CHRNA2: variants seen among roughly 807,000 people sequenced by gnomAD.
CHRNA2 encodes the protein cholinergic receptor nicotinic alpha 2 subunit.
CHRNA2 carries 40 observed loss-of-function variants against 45.5 expected under a neutral mutation model. That is an observed-to-expected ratio of 0.88 (90% CI 0.68 to 1.15). The LOEUF (loss-of-function observed/expected upper bound fraction) is 1.15. Among genes scored for constraint, CHRNA2 ranks in the 50% most tolerant of loss-of-function variants. CHRNA2 has a pLI of 0.00. For synonymous variants in CHRNA2, 301 were observed against 296.7 expected (o/e 1.01, Z -0.15); for missense variants, 655 against 701.7 (o/e 0.93, Z 0.75).
rs77710085 is a variant in CHRNA2 at position 27,463,698 on chromosome 8, C to T, written c.745G>A (p.Ala249Thr). 224 of 1,579,402 alleles carry T rather than the reference C, an allele frequency of 1.4e-4. 6 individuals are homozygous for T. In the East Asian group the frequency reaches 1.8e-3, roughly 13 times the overall value. The change falls in exon 6 of 7, where the codon GCC becomes ACC. Residue 249 changes from alanine (A) to threonine (T), a missense_variant. Transcript: ENST00000407991. The surrounding 1 kb of genome is among the most constrained non-coding windows in gnomAD (Gnocchi z 6.1). ...TYNSKKYDCC[A>T]EIYPDVTYAF... ...TAGGTGACGTCGGGGTAGATCTCGG[C>T]GCAGCAGTCGTACTTCTTGCTGTTG...
At chr8:27,461,798 A>G (rs780391294) in intron 6 of CHRNA2, 44 bp from the exon 7 acceptor site, 1 of 1,613,350 alleles carries the variant, frequency 6.2e-7, no homozygotes, top group South Asian at 1.1e-5. Context: ...AGGCCTGGGA[A>G]AGGGATGTGT....
Position 27,469,829 on chromosome 8 carries a change from G to A in CHRNA2, c.226C>T (p.Pro76Ser). Residue 76 changes from proline (P) to serine (S), a missense_variant, in exon 3 of 7, where the codon CCG becomes TCG. Physicochemically the swap from Pro to Ser is moderately conservative, Grantham distance 74. Coordinates refer to ENST00000407991, the MANE Select transcript of CHRNA2 (RefSeq NM_000742.4). ...LFRGYNRWAR[P>S]VPNTSDVVIV... The stretch of plus-strand genomic sequence containing the variant: ...ACCACGTCTGAAGTGTTGGGCACCG[G>A]GCGCGCCCAGCGGTTGTAGCCCCGG... 1 of 1,614,192 alleles carries A rather than the reference G, an allele frequency of 6.2e-7. No homozygotes were observed. Among genetic ancestry groups the A allele is most frequent in the Non-Finnish European group, 8.5e-7 (1 of 1,180,046 alleles).
At chr8:27,466,301 C>A (rs1050831351) in intron 5 of CHRNA2, among the ~76,000 whole-genome samples, 1 of 152,090 alleles carries the variant, frequency 6.6e-6, no homozygotes, top group Non-Finnish European at 1.5e-5. Flanking sequence ...CCTTTTATTT[C>A]TTTCTTTAAA....
At chr8:27,466,231 G>T (rs564402766) in intron 5 of CHRNA2, among the ~76,000 whole-genome samples, 1 of 151,514 alleles carries the variant, frequency 6.6e-6, no homozygotes, top group South Asian at 2.1e-4. Flanking sequence ...AGAACTGGAC[G>T]GTGTAAAAAA....
chr8:27,463,977 C>A lies in CHRNA2; in HGVS notation c.466G>T (p.Ala156Ser). 1 of 1,614,168 alleles carries A rather than the reference C, an allele frequency of 6.2e-7. No individual in the cohort carries two copies. ...TGGGCCTTGGTCATGTGGGTCACTG[C>A]AAACTCCCCATCTGCACTGAGAAGA... ...VLYNNADGEF[A>S]VTHMTKAHLF... is the part of the protein sequence containing the mutation. Residue 156 changes from alanine to serine, a missense_variant, in exon 6 of 7, where the codon GCA becomes TCA. Physicochemically the swap from Ala to Ser is moderately conservative, Grantham distance 99. Coordinates refer to ENST00000407991, the MANE Select transcript of CHRNA2 (RefSeq NM_000742.4). This position sits in a 1 kb window ranked among gnomAD's most constrained non-coding sequence, Gnocchi z 6.1.
In CHRNA2 at chr8:27,469,448, G is replaced by A. The variant is rs2132666155; in HGVS notation, c.295-69C>T. The A allele has an allele frequency of 1.1e-5, 17 of 1,494,742 alleles. No homozygotes were observed. The South Asian group carries it at 2.0e-4, about 18-fold the overall frequency. 92.6% of individuals were successfully genotyped at this position (1,494,742 alleles called of 1,614,324 possible). A position where few individuals can be genotyped will look rare whatever the true frequency, so the allele number is the denominator to read the frequency against. On this transcript the variant is annotated intron_variant, in intron 3 of 6. Coordinates refer to ENST00000407991, the MANE Select transcript of CHRNA2 (RefSeq NM_000742.4). ...AGCCCCAGAAGACAGGGTGGAGTGG[G>A]ATGGGCTGTTTTCAGACCCTCTGAT...
rs979561452 is a variant in CHRNA2, at chr8:27,465,056, A to C, written c.450-1063T>G. On this transcript the variant is annotated intron_variant, in intron 5 of 6. Coordinates refer to ENST00000407991, the MANE Select transcript of CHRNA2 (RefSeq NM_000742.4). ...CTTGACTGATGGTAGGATTTGGCTG[A>C]GAAATGGGCAGAGAGCCTTCCAGTA... is the stretch of plus-strand genomic sequence containing the variant. Among the ~76,000 whole-genome samples the C allele has an allele frequency of 1.2e-4, 19 of 152,316 alleles. No individual in the cohort carries two copies. In the Middle Eastern group the frequency reaches 0.01, roughly 82 times the overall value.
rs137965290 is a variant in CHRNA2 at position 27,463,326 on chromosome 8, A to G, written c.1117T>C (p.Cys373Arg). Residue 373 changes from cysteine to arginine, a missense_variant, in exon 6 of 7, where the codon TGT (cysteine) becomes CGT (arginine). Coordinates refer to ENST00000407991, the MANE Select transcript of CHRNA2 (RefSeq NM_000742.4). The surrounding 1 kb of genome is among the most constrained non-coding windows in gnomAD (Gnocchi z 6.1). The stretch of plus-strand genomic sequence containing the variant: ...TTCATCAGAAGCCACCGGGGCACAC[A>G]GCCCAGAAGGGCCCCCCGCACCCAG... ...PHWVRGALLG[C>R]VPRWLLMNRP... is the part of the protein sequence containing the mutation. The G allele has an allele frequency of 3.1e-6, 5 of 1,612,750 alleles. No individual in the cohort carries two copies. The African/African-American group carries it at 6.7e-5, about 22-fold the overall frequency.
At chr8:27,469,568 A>G (rs1033858902) in intron 3 of CHRNA2, 189 bp from the exon 4 acceptor site, 21 of 860,284 alleles carry the variant, frequency 2.4e-5, no homozygotes, top group African/African-American at 5.0e-5. Context: ...CTGCCAATCA[A>G]TGCCCTCCTA....
At chr8:27,478,113 T>C (rs1276296758) in intron 1 of CHRNA2, among the ~76,000 whole-genome samples, 1 of 152,224 alleles carries the variant, frequency 6.6e-6, no homozygotes, top group Non-Finnish European at 1.5e-5. Flanking sequence ...TCCCACCTGG[T>C]TCCTTTCTGC....
chr8:27,473,595 T>C (rs1812967652), intron 1 of CHRNA2, among the ~76,000 whole-genome samples: 1 of 145,684 alleles, frequency 6.9e-6, no homozygotes, highest in Admixed American at 6.9e-5. Context: ...TGATCTCAGC[T>C]ACTGGGAAGG....
At chr8:27,465,354 A>G (rs1563319879) in intron 5 of CHRNA2, among the ~76,000 whole-genome samples, 1 of 152,188 alleles carries the variant, frequency 6.6e-6, no homozygotes, top group East Asian at 1.9e-4. Context: ...TCCCCCATGG[A>G]GTAGTTCCAT....
intron 5 of CHRNA2, among the ~76,000 whole-genome samples, chr8:27,466,084 C>T (rs374980087): frequency 3.2e-4 from 48 of 152,282 alleles, no homozygotes; most frequent in African/African-American, 9.6e-4. Flanking sequence ...CACAGAGATA[C>T]GACAGGGTGG....
rs146751925 is a variant in CHRNA2 at position 27,463,712 on chromosome 8, T to C, written c.731A>G (p.Lys244Arg). Residue 244 changes from lysine (K) to arginine (R), a missense_variant, in exon 6 of 7, where the codon AAG becomes AGG. By Grantham distance (26) the Lys-to-Arg change is conservative. Transcript: ENST00000407991. The surrounding 1 kb of genome is among the most constrained non-coding windows in gnomAD (Gnocchi z 6.1). ...GTAGATCTCGGCGCAGCAGTCGTAC[T>C]TCTTGCTGTTGTAGGTGCCCGTGGC... is the stretch of plus-strand genomic sequence containing the variant. ...VNATGTYNSKKYDCCAEIYPD... is the reference protein window; with the variant it reads ...VNATGTYNSKRYDCCAEIYPD... 9.7e-5 allele frequency: 155 copies of C among 1,604,526 alleles called. No homozygotes were observed. The African/African-American group carries it at 1.9e-3, about 19-fold the overall frequency.
rs530410311 is a variant in CHRNA2 at position 27,474,570 on chromosome 8, C to T, written c.-136-3376G>A. ...CAGTATATGTATGGAATGAACTGCC[C>T]GAGAGAGCATCCCAAAGCTCTCCCA... On this transcript the variant is annotated intron_variant, in intron 1 of 6. Transcript: ENST00000407991. Among the ~76,000 whole-genome samples, 20 of 152,080 alleles carry T rather than the reference C, an allele frequency of 1.3e-4. No individual in the cohort carries two copies. The South Asian group carries it at 1.5e-3, about 11-fold the overall frequency.
At chr8:27,471,221 A>G in intron 1 of CHRNA2, 27 bp from the exon 2 acceptor site, 1 of 668,526 alleles carries the variant, frequency 1.5e-6, no homozygotes, top group Admixed American at 2.2e-5. Flanking sequence ...AAGGGCTCTT[A>G]GGGTCATGCA....
At chr8:27,461,856 A>T in intron 6 of CHRNA2, 102 bp from the exon 7 acceptor site, 1 of 1,524,294 alleles carries the variant, frequency 6.6e-7, no homozygotes, top group Non-Finnish European at 9.1e-7. Flanking sequence ...GGGCAGCAGC[A>T]ACTGCCCCAC....
intron 1 of CHRNA2, chr8:27,477,060 G>C (rs1362843692): frequency 6.6e-6 from 1 of 151,748 alleles, no homozygotes; most frequent in Non-Finnish European, 1.5e-5. Context: ...AAGTGATAAA[G>C]CTGAGATTCA....
Position 27,469,880 on chromosome 8 carries a change from C to G in CHRNA2, c.175G>C (p.Glu59Gln). 1 of 1,614,194 alleles carries G rather than the reference C, an allele frequency of 6.2e-7. No homozygotes were observed. Among genetic ancestry groups the G allele is most frequent in the Non-Finnish European group, 8.5e-7 (1 of 1,180,036 alleles). ...LPQGGSHTET[E>Q]DRLFKHLFRG... ...AAGAGGTGTTTGAAGAGCCGGTCCT[C>G]AGTCTCGGTATGCGAGCCTCCCTGC... Residue 59 changes from glutamate (E) to glutamine (Q), a missense_variant, in exon 3 of 7, where the codon GAG becomes CAG. By Grantham distance (29) the Glu-to-Gln change is conservative. Coordinates refer to ENST00000407991, the MANE Select transcript of CHRNA2 (RefSeq NM_000742.4).
Sources: allele counts gnomAD v4.1 joint callset (sites outside exome capture counted in the v4.1 genomes callset), GRCh38; gene constraint gnomAD v4.1.1; non-coding constraint Gnocchi (gnomAD v3.1); transcripts MANE v1.5; gene names NCBI Gene and HGNC (gene_info 2026-07-23, HGNC 2026-07-21).